Variants in MYO1D observed in about 807,000 individuals in gnomAD.
MYO1D encodes myosin ID.
Under a neutral mutation model 122.0 loss-of-function variants are expected in MYO1D, and 83 were observed. The observed-to-expected ratio is 0.68, with a 90% CI of 0.57 to 0.82. The LOEUF (loss-of-function observed/expected upper bound fraction) is 0.82, where lower values mean the gene tolerates loss of function less well. Among genes scored for constraint, MYO1D ranks in the 40% least tolerant of loss-of-function variants. The pLI is 0.00. For missense variants in MYO1D, 1,157 were observed against 1,269.5 expected (o/e 0.91, Z 1.35); for synonymous variants, 464 against 446.9 (o/e 1.04, Z -0.48).
chr17:32,649,877 C>G (rs2088363126), intron 19 of MYO1D, among the ~76,000 whole-genome samples: 2 of 152,048 alleles, frequency 1.3e-5, no homozygotes, highest in South Asian at 2.1e-4. Flanking sequence ...TGGCCTATAC[C>G]ACATTTTCTT....
chr17:32,594,622 G>T, intron 21 of MYO1D: 1 of 626,436 alleles, frequency 1.6e-6, no homozygotes, highest in Non-Finnish European at 2.8e-6. Context: ...TTTCTTTTAG[G>T]TCTTATAATA....
intron 20 of MYO1D, among the ~76,000 whole-genome samples, chr17:32,616,041 G>A (rs1053545055): frequency 6.6e-6 from 1 of 152,188 alleles, no homozygotes; most frequent in South Asian, 2.1e-4. Context: ...TGCAAACACA[G>A]ATGGTCAGTG....
chr17:32,652,738 C>T (rs1024345874), intron 19 of MYO1D, among the ~76,000 whole-genome samples: 1 of 152,098 alleles, frequency 6.6e-6, no homozygotes, highest in Non-Finnish European at 1.5e-5. Flanking sequence ...ACCAGACAAG[C>T]AAATACATTC....
chr17:32,508,292 TGA>T (rs1909569552), intron 21 of MYO1D, among the ~76,000 whole-genome samples: 1 of 151,656 alleles, frequency 6.6e-6, no homozygotes, highest in African/African-American at 2.4e-5. Context: ...CTTTTTTTTT[TGA>T]GACAGAGTCT....
intron 21 of MYO1D, among the ~76,000 whole-genome samples, chr17:32,541,967 C>T (rs1360767467): frequency 6.6e-6 from 1 of 152,158 alleles, no homozygotes; most frequent in Non-Finnish European, 1.5e-5. Flanking sequence ...TTCCTCTCTT[C>T]TTCCTCCTCC....
chr17:32,561,096 G>C (rs145644786), intron 21 of MYO1D, among the ~76,000 whole-genome samples: 1,543 of 151,784 alleles, frequency 0.01, 25 homozygotes, highest in African/African-American at 0.035. Context: ...ATTTTTAGTA[G>C]AGACAGGGTT....
rs137939406 is a variant in MYO1D at position 32,728,291 on chromosome 17, G to A, written c.1747-7102C>T. 7.5e-3 allele frequency among the ~76,000 whole-genome samples: 1,134 copies of A among 151,126 alleles called. 20 individuals are homozygous for A. The highest frequency in any genetic ancestry group is 0.026 in the African/African-American group (1,071 of 41,084). ...CGTGATCTCAGCTCATTGCAACCTCGGACTCCCGGGTTCACGTGATTCTCC... is the reference window on the plus strand; with the variant it reads ...CGTGATCTCAGCTCATTGCAACCTCAGACTCCCGGGTTCACGTGATTCTCC... On this transcript the variant is annotated intron_variant, in intron 14 of 21. Transcript: ENST00000318217.
intron 21 of MYO1D, among the ~76,000 whole-genome samples, chr17:32,552,451 T>C (rs934714994): frequency 6.7e-6 from 1 of 150,248 alleles, no homozygotes; most frequent in African/African-American, 2.5e-5. Flanking sequence ...CATCCATCCA[T>C]CCATCCATCC....
At chr17:32,609,004 T>C (rs1384186938) in intron 20 of MYO1D, among the ~76,000 whole-genome samples, 1 of 152,158 alleles carries the variant, frequency 6.6e-6, no homozygotes, top group African/African-American at 2.4e-5. Context: ...GGTTTGGGGT[T>C]ATGAGGAGTC....
chr17:32,659,864 G>A (rs758453468), intron 16 of MYO1D, among the ~76,000 whole-genome samples: 1 of 152,024 alleles, frequency 6.6e-6, no homozygotes, highest in Admixed American at 6.6e-5. Flanking sequence ...ATGGGTAAAG[G>A]GTAAATCAGA....
chr17:32,808,155 T>C (rs2090535147), intron 1 of MYO1D, among the ~76,000 whole-genome samples: 1 of 151,974 alleles, frequency 6.6e-6, no homozygotes, highest in Non-Finnish European at 1.5e-5. Context: ...GGGAGGACTG[T>C]TTGAGGTCAG....
chr17:32,824,968 C>A (rs1408161134), intron 1 of MYO1D, among the ~76,000 whole-genome samples: 2 of 152,110 alleles, frequency 1.3e-5, no homozygotes, highest in Non-Finnish European at 2.9e-5. Context: ...GAGGAAATTT[C>A]ATGTTTTACT....
At chr17:32,547,377 C>A (rs1293059160) in intron 21 of MYO1D, among the ~76,000 whole-genome samples, 1 of 152,184 alleles carries the variant, frequency 6.6e-6, no homozygotes, top group East Asian at 1.9e-4. Flanking sequence ...ATAAAAATCC[C>A]ATGGGACAGG....
intron 1 of MYO1D, among the ~76,000 whole-genome samples, chr17:32,854,781 A>C (rs1448949033): frequency 6.6e-6 from 1 of 152,248 alleles, no homozygotes; most frequent in Non-Finnish European, 1.5e-5. Flanking sequence ...AAGGTTGAAT[A>C]GGCACAATAA....
At chr17:32,774,197 G>A (rs1598087771) in intron 4 of MYO1D, among the ~76,000 whole-genome samples, 1 of 152,274 alleles carries the variant, frequency 6.6e-6, no homozygotes, top group South Asian at 2.1e-4. Flanking sequence ...GCATAGTCAA[G>A]GTTAATGCTC....
At chr17:32,601,795 G>T (rs886844608) in intron 21 of MYO1D, among the ~76,000 whole-genome samples, 4 of 152,250 alleles carry the variant, frequency 2.6e-5, no homozygotes, top group African/African-American at 9.6e-5. Flanking sequence ...TCTGTGAAGT[G>T]TAATAATGTC....
At chr17:32,625,393 A>C (rs2087913919) in intron 20 of MYO1D, among the ~76,000 whole-genome samples, 1 of 152,144 alleles carries the variant, frequency 6.6e-6, no homozygotes. Flanking sequence ...ACATTGCGCT[A>C]GTGGTCAACT....
chr17:32,730,706 A>T (rs2150997935), intron 14 of MYO1D, among the ~76,000 whole-genome samples: 1 of 152,158 alleles, frequency 6.6e-6, no homozygotes, highest in East Asian at 1.9e-4. Context: ...TTAATGTTCT[A>T]GGATTTTACT....
chr17:32,669,633 T>C (rs1041342813), intron 16 of MYO1D, among the ~76,000 whole-genome samples: 9 of 152,148 alleles, frequency 5.9e-5, no homozygotes, highest in Non-Finnish European at 1.0e-4. Flanking sequence ...TCTAAGCAGG[T>C]AGAGGAAGTG....
Sources: allele counts gnomAD v4.1 joint callset (sites outside exome capture counted in the v4.1 genomes callset), GRCh38; gene constraint gnomAD v4.1.1; transcripts MANE v1.5; gene names NCBI Gene and HGNC (gene_info 2026-07-23, HGNC 2026-07-21).